Variants in PPFIA2 observed in about 807,000 individuals in gnomAD.
PPFIA2 encodes the protein liprin-alpha-2.
Under a neutral mutation model 175.5 loss-of-function variants are expected in PPFIA2, and 46 were observed. That is an observed-to-expected ratio of 0.26 (90% CI 0.21 to 0.34). The LOEUF is 0.34. Among genes scored for constraint, PPFIA2 ranks in the 10% least tolerant of loss-of-function variants. The pLI is 1.00. For missense variants in PPFIA2, 1,179 were observed against 1,506.1 expected, an observed-to-expected ratio of 0.78 and a Z score of 3.60; for synonymous variants, 568 against 511.4, an observed-to-expected ratio of 1.11 and a Z score of -1.49.
chr12:81,278,969 T>C (rs1445781771), intron 27 of PPFIA2, among the ~76,000 whole-genome samples: 2 of 152,126 alleles, frequency 1.3e-5, no homozygotes, highest in Admixed American at 6.5e-5. Context: ...GGAAAGAAAA[T>C]TGCATTAGGC....
chr12:81,315,290 A>C (rs979958347), intron 22 of PPFIA2, among the ~76,000 whole-genome samples: 3 of 151,882 alleles, frequency 2.0e-5, no homozygotes, highest in Non-Finnish European at 3.0e-5. Flanking sequence ...AATTTTCTCC[A>C]ACAGCACAGA....
chr12:81,718,362 CT>C (rs888614778), intron 3 of PPFIA2, among the ~76,000 whole-genome samples: 4 of 151,452 alleles, frequency 2.6e-5, no homozygotes, highest in African/African-American at 9.7e-5. Flanking sequence ...CAGAACTAGC[CT>C]TAGAATGTTC....
chr12:81,493,787 T>TATACAC lies in PPFIA2; in HGVS notation c.304-35922_304-35921insGTGTAT, dbSNP rs1491517743. Among the ~76,000 whole-genome samples the TATACAC allele has an allele frequency of 1.1e-4, 14 of 128,358 alleles. No homozygotes were observed. In the South Asian group the frequency reaches 1.3e-3, roughly 12 times the overall value. The allele number at this position is 128,358 out of a possible 152,430, so 84.2% of individuals were successfully genotyped here. Reference sequence around the variant, plus strand: ...ATATATATATATATATATATATATATACACATTGGAAAAAATAACAGCATT... The same window carrying TATACAC: ...ATATATATATATATATATATATATATATACACACACATTGGAAAAAATAACAGCATT... On this transcript the variant is annotated intron_variant, in intron 4 of 32. Transcript: ENST00000549396.
intron 22 of PPFIA2, among the ~76,000 whole-genome samples, chr12:81,300,821 T>C (rs1017175386): frequency 3.3e-5 from 5 of 152,014 alleles, no homozygotes; most frequent in African/African-American, 1.2e-4. Context: ...TATATAGAAA[T>C]GGATTGAAGG....
At position 81,537,652 on chromosome 12, in the gene PPFIA2, C is replaced by T. The variant is rs1052202239; in HGVS notation, c.304-79786G>A. On this transcript the variant is annotated intron_variant, in intron 4 of 32. Coordinates refer to ENST00000549396, the MANE Select transcript of PPFIA2 (RefSeq NM_003625.5). Reference sequence around the variant, plus strand: ...TACAGACCACGTATTCTAATGTCAACATGCCTCAATTAGAGTGCATATCAA... The same window carrying T: ...TACAGACCACGTATTCTAATGTCAATATGCCTCAATTAGAGTGCATATCAA... 3.3e-5 allele frequency among the ~76,000 whole-genome samples: 5 copies of T among 151,854 alleles called. No homozygotes were observed. The East Asian group carries it at 5.8e-4, about 18-fold the overall frequency.
At chr12:81,486,057 C>T (rs766938165) in intron 4 of PPFIA2, among the ~76,000 whole-genome samples, 30 of 151,644 alleles carry the variant, frequency 2.0e-4, no homozygotes, top group Admixed American at 2.6e-4. Context: ...ACATTTTTAG[C>T]GTTATAAATT....
intron 4 of PPFIA2, among the ~76,000 whole-genome samples, chr12:81,634,272 T>TC (rs2153503604): frequency 1.3e-5 from 2 of 152,174 alleles, no homozygotes; most frequent in East Asian, 3.9e-4. Flanking sequence ...AGGCAAGACG[T>TC]CCCCTCCATT....
intron 3 of PPFIA2, among the ~76,000 whole-genome samples, chr12:81,714,329 A>C (rs11114988): frequency 0.72 from 107,776 of 150,522 alleles, 41,788 homozygotes; most frequent in Non-Finnish European, 0.86. Flanking sequence ...TGACTTCGAA[A>C]TTCTGGCCTA....
intron 7 of PPFIA2, among the ~76,000 whole-genome samples, chr12:81,420,678 T>C (rs935953531): frequency 6.6e-6 from 1 of 151,010 alleles, no homozygotes; most frequent in Non-Finnish European, 1.5e-5. Context: ...TGGAACACCA[T>C]CAAGTGGGCC....
intron 4 of PPFIA2, among the ~76,000 whole-genome samples, chr12:81,489,908 G>A (rs1187761101): frequency 2.0e-5 from 3 of 151,834 alleles, no homozygotes; most frequent in East Asian, 1.9e-4. Flanking sequence ...CTATAGAGAA[G>A]GCCAATTGAA....
chr12:81,280,806 C>G (rs887056842), intron 27 of PPFIA2, among the ~76,000 whole-genome samples: 2 of 151,974 alleles, frequency 1.3e-5, no homozygotes, highest in African/African-American at 4.8e-5. Flanking sequence ...TAAAAAAACA[C>G]AAATATGTCT....
rs184272825 is a variant in PPFIA2 at position 81,741,857 on chromosome 12, A to G, written c.249+12116T>C. Among the ~76,000 whole-genome samples the G allele has an allele frequency of 7.2e-5, 11 of 152,320 alleles. No homozygotes were observed. In the East Asian group the frequency reaches 1.9e-3, roughly 27 times the overall value. Reference sequence around the variant, plus strand: ...GTGGTTATAAGTGCTTTGGAGGAAAAGTAGAGAAGAGAGGTTGGGTGTATG... The same window carrying G: ...GTGGTTATAAGTGCTTTGGAGGAAAGGTAGAGAAGAGAGGTTGGGTGTATG... On this transcript the variant is annotated intron_variant, in intron 3 of 32. Transcript: ENST00000549396.
At position 81,353,110 on chromosome 12, in the gene PPFIA2, T is replaced by TG. The variant is rs2060309762; in HGVS notation, c.1994+8dup. The TG allele has an allele frequency of 6.2e-7, 1 of 1,611,310 alleles. No individual in the cohort carries two copies. The highest frequency in any genetic ancestry group is 1.3e-5 in the African/African-American group (1 of 74,884). On this transcript the variant is annotated intron_variant, in intron 17 of 32. Coordinates refer to ENST00000549396, the MANE Select transcript of PPFIA2 (RefSeq NM_003625.5). Reference sequence around the variant, plus strand: ...ATTTCTTGAAATCATCAGTACTAATTGAAGTTACCTGATTTCTTTGTTGAT... The same window carrying TG: ...ATTTCTTGAAATCATCAGTACTAATTGGAAGTTACCTGATTTCTTTGTTGAT...
In PPFIA2 at chr12:81,267,906, A is replaced by C. The variant is rs770765086; in HGVS notation, c.3486+6T>G. The C allele has an allele frequency of 6.3e-7, 1 of 1,584,498 alleles. No homozygotes were observed. The highest frequency in any genetic ancestry group is 1.2e-5 in the South Asian group (1 of 86,816). On this transcript the variant is annotated splice_donor_region_variant and intron_variant, in intron 29 of 32. Coordinates refer to ENST00000549396, the MANE Select transcript of PPFIA2 (RefSeq NM_003625.5). Reference sequence around the variant, plus strand: ...CACATTGAGACTACAGCAGAAAGTGACTTGCCTGGGTGTTCTGTGTTGGAA... The same window carrying C: ...CACATTGAGACTACAGCAGAAAGTGCCTTGCCTGGGTGTTCTGTGTTGGAA...
chr12:81,369,009 G>A (rs1404463795), intron 12 of PPFIA2, 102 bp downstream of exon 12: 1 of 1,269,040 alleles, frequency 7.9e-7, no homozygotes, highest in Non-Finnish European at 1.1e-6. Flanking sequence ...ATATTTGTAA[G>A]TTTTAAATAT....
chr12:81,642,783 ATACATACATGTATATGTATGTATGTAT>A lies in PPFIA2; in HGVS notation c.303+33981_303+34007del, dbSNP rs1239002631. ...ACATGTATATGTATGTATGTATTAT[ATACATACATGTATATGTATGTATGTAT>A]TACATACATGTATATGTATGTATGT... is the stretch of plus-strand genomic sequence containing the variant. On this transcript the variant is annotated intron_variant, in intron 4 of 32. Transcript: ENST00000549396. Among the ~76,000 whole-genome samples, 588 of 101,010 alleles carry A rather than the reference ATACATACATGTATATGTATGTATGTAT, an allele frequency of 5.8e-3. 190 individuals are homozygous for A. The highest frequency in any genetic ancestry group is 0.012 in the Middle Eastern group (1 of 82). 66.3% of individuals were successfully genotyped at this position (101,010 alleles called of 152,430 possible). A position where few individuals can be genotyped will look rare whatever the true frequency, so the allele number is the denominator to read the frequency against.
intron 11 of PPFIA2, among the ~76,000 whole-genome samples, chr12:81,373,926 C>CA (rs1209642288): frequency 6.6e-6 from 1 of 151,936 alleles, no homozygotes; most frequent in Non-Finnish European, 1.5e-5. Flanking sequence ...CTTTTAGTGA[C>CA]AAAATGTAGT....
At chr12:81,429,300 G>T (rs1244730182) in intron 7 of PPFIA2, among the ~76,000 whole-genome samples, 3 of 152,076 alleles carry the variant, frequency 2.0e-5, no homozygotes, top group Admixed American at 1.3e-4. Flanking sequence ...CAAAAGAAAT[G>T]ATTCTTATTT....
At chr12:81,733,319 G>C (rs1032001872) in intron 3 of PPFIA2, among the ~76,000 whole-genome samples, 5 of 151,506 alleles carry the variant, frequency 3.3e-5, no homozygotes, top group African/African-American at 1.2e-4. Flanking sequence ...ATGCTTTAAG[G>C]AAGATTGCGT....
Sources: gnomAD v4.1 joint callset for allele counts (sites outside exome capture counted in the v4.1 genomes callset) on GRCh38, gnomAD v4.1.1 for gene constraint, MANE v1.5 for transcripts, NCBI Gene and HGNC (gene_info 2026-07-23, HGNC 2026-07-21) for gene names.